MSH5: variants seen among roughly 807,000 people sequenced by gnomAD.
MSH5 encodes mutS protein homolog 5.
MSH5 carries 78 observed loss-of-function variants against 107.7 expected under a neutral mutation model. The ratio of observed to expected loss-of-function variants is 0.72; its 90% CI spans 0.60 to 0.87. The LOEUF (loss-of-function observed/expected upper bound fraction) is 0.87, where lower values mean the gene tolerates loss of function less well. Ranked by LOEUF, MSH5 falls within the 40% of genes least tolerant of loss-of-function variation. The probability of loss-of-function intolerance (pLI) is 0.00; values close to 1 mark genes in which losing one functional copy is unlikely to be tolerated. For synonymous variants in MSH5, 326 were observed against 399.5 expected (o/e 0.82, Z 2.19); for missense variants, 889 against 1,046.6 (o/e 0.85, Z 2.08).
At position 31,762,664 on chromosome 6, in the gene MSH5, T is replaced by C; in HGVS notation, c.*133T>C. On this transcript the variant is annotated 3_prime_UTR_variant, in exon 25 of 25. Coordinates refer to ENST00000375750, the MANE Select transcript of MSH5 (RefSeq NM_172166.4). ...TTTGTTTCATATTAGGAATAAAGTT[T>C]ATTTTGAAGAAAGATATTGTTTCTT... is the stretch of plus-strand genomic sequence containing the variant. 1 of 605,262 alleles carries C rather than the reference T, an allele frequency of 1.7e-6. No homozygotes were observed. The highest frequency in any genetic ancestry group is 2.1e-5 in the South Asian group (1 of 46,726). The allele number at this position is 605,262 out of a possible 1,614,324, so 37.5% of individuals were successfully genotyped here. A position where few individuals can be genotyped will look rare whatever the true frequency, so the allele number is the denominator to read the frequency against.
chr6:31,745,103 CAAAAAA>C (rs9279403), intron 8 of MSH5, 128 bp from the exon 9 acceptor site: 2,004 of 357,592 alleles, frequency 5.6e-3, no homozygotes, highest in East Asian at 8.6e-3. Flanking sequence ...GACTCCATCT[CAAAAAA>C]AAAAAAAAAA....
Position 31,760,727 on chromosome 6 carries a change from T to C in MSH5, c.1850T>C (p.Phe617Ser), listed in dbSNP as rs1810913785. ...ACATTCATGGCCCTGGTAGGCAGCT[T>C]TGTGCCAGCAGAGGAGGCCGAAATT... ...LITFMALVGS[F>S]VPAEEAEIGA... The change falls in exon 20 of 25, where the codon TTT becomes TCT. Residue 617 changes from phenylalanine (F) to serine (S), a missense_variant. Physicochemically the swap from Phe to Ser is radical, Grantham distance 155. Around this residue, in one of 3 missense-constraint regions of MSH5, gnomAD observed 362 missense variants for 456.2 expected, o/e 0.79. Transcript: ENST00000375750. The surrounding 1 kb of genome is among the most constrained non-coding windows in gnomAD (Gnocchi z 5.6). 1 of 1,613,056 alleles carries C rather than the reference T, an allele frequency of 6.2e-7. No individual in the cohort carries two copies. Among genetic ancestry groups the C allele is most frequent in the Non-Finnish European group, 8.5e-7 (1 of 1,180,030 alleles).
At position 31,740,360 on chromosome 6, in the gene MSH5, A is replaced by T; in HGVS notation, c.-13-94A>T. The T allele has an allele frequency of 7.5e-7, 1 of 1,331,082 alleles. No individual in the cohort carries two copies. Among genetic ancestry groups the T allele is most frequent in the Non-Finnish European group, 1.0e-6 (1 of 980,416 alleles). The allele number at this position is 1,331,082 out of a possible 1,614,324, so 82.5% of individuals were successfully genotyped here. The stretch of plus-strand genomic sequence containing the variant: ...GCCCTGCCCCGCAGCCCTGTAGCAG[A>T]AGTACTTAGTGCTTTGCATTCTGCG... On this transcript the variant is annotated intron_variant, in intron 1 of 24. Transcript: ENST00000375750. The surrounding 1 kb of genome is among the most constrained non-coding windows in gnomAD (Gnocchi z 4.4).
At chr6:31,743,762 T>C (rs1809133034) in intron 5 of MSH5, 142 bp from the exon 6 acceptor site, 6 of 1,206,106 alleles carry the variant, frequency 5.0e-6, no homozygotes, top group East Asian at 2.4e-5. Flanking sequence ...GAAAATTTGG[T>C]TCTTGCTCTA....
At chr6:31,750,503 C>T (rs1487135670) in intron 10 of MSH5, among the ~76,000 whole-genome samples, 8 of 152,196 alleles carry the variant, frequency 5.3e-5, no homozygotes, top group African/African-American at 1.9e-4. Context: ...GGGCAAGTTG[C>T]TTATCTTTTA....
At chr6:31,744,661 C>T (rs1395662107) in intron 8 of MSH5, 80 bp downstream of exon 8, 64 of 1,449,210 alleles carry the variant, frequency 4.4e-5, no homozygotes, top group Non-Finnish European at 5.6e-5. Context: ...TAATGAGGCT[C>T]TAGTTTCCCT....
chr6:31,747,865 G>A lies in MSH5; in HGVS notation c.812+433G>A, dbSNP rs9267559. 4.5e-3 allele frequency among the ~76,000 whole-genome samples: 690 copies of A among 152,204 alleles called. 5 individuals are homozygous for A. Among genetic ancestry groups the A allele is most frequent in the Admixed American group, 7.9e-3 (121 of 15,278 alleles). ...ACTAAAATGCAAAAATTAGCCAAGC[G>A]TGTTGGTAGGTGCCTGTAATTCCAG... On this transcript the variant is annotated intron_variant, in intron 10 of 24. Coordinates refer to ENST00000375750, the MANE Select transcript of MSH5 (RefSeq NM_172166.4).
rs1438773459 is a variant in MSH5, at chr6:31,740,771, G to A, written c.147+158G>A. On this transcript the variant is annotated intron_variant, in intron 2 of 24. Transcript: ENST00000375750. This position sits in a 1 kb window ranked among gnomAD's most constrained non-coding sequence, Gnocchi z 4.4. ...AGCTCAGGAGTTGGAGACCAGCCTGGGCAACATGGCGAAACCCCGTCTCTA... is the reference window on the plus strand; with the variant it reads ...AGCTCAGGAGTTGGAGACCAGCCTGAGCAACATGGCGAAACCCCGTCTCTA... Among the ~76,000 whole-genome samples, 2 of 152,148 alleles carry A rather than the reference G, an allele frequency of 1.3e-5. No individual in the cohort carries two copies. The highest frequency in any genetic ancestry group is 2.9e-5 in the Non-Finnish European group (2 of 68,018).
Position 31,744,555 on chromosome 6 carries a change from G to A in MSH5, c.657G>A (p.Leu219=), listed in dbSNP as rs1809235442. ...TGTTTTCTGTCCTCAGGACTCATCT[G>A]GTGAACATAGATCAAGACACTTACA... ...LGFKKFMLTH[L]VNIDQDTYSV... is the part of the protein sequence containing the mutation. Residue 219 remains leucine (L), a synonymous_variant, in exon 8 of 25, where the codon CTG becomes CTA. Coordinates refer to ENST00000375750, the MANE Select transcript of MSH5 (RefSeq NM_172166.4). The A allele has an allele frequency of 6.2e-7, 1 of 1,613,196 alleles. No individual in the cohort carries two copies. Among genetic ancestry groups the A allele is most frequent in the African/African-American group, 1.3e-5 (1 of 74,906 alleles).
rs1354915896 is a variant in MSH5, at chr6:31,740,214, C to A, written c.-14+152C>A. 9.2e-6 allele frequency: 4 copies of A among 435,464 alleles called. No homozygotes were observed. Among genetic ancestry groups the A allele is most frequent in the Non-Finnish European group, 1.2e-5 (3 of 243,426 alleles). 27.0% of individuals were successfully genotyped at this position (435,464 alleles called of 1,614,324 possible). A position where few individuals can be genotyped will look rare whatever the true frequency, so the allele number is the denominator to read the frequency against. On this transcript the variant is annotated intron_variant, in intron 1 of 24. Transcript: ENST00000375750. This position sits in a 1 kb window ranked among gnomAD's most constrained non-coding sequence, Gnocchi z 4.4. ...CACAGGGCCCTCAGACCCCTTCCTT[C>A]CAAAGGGTAACCTCCGCGTGACAGG... is the stretch of plus-strand genomic sequence containing the variant.
chr6:31,753,351 T>G lies in MSH5; in HGVS notation c.863T>G (p.Leu288Arg). ...GACCTGGGGGAGCTCAGTTCTCGTC[T>G]GGACGTCATTCAGTTTTTTCTGCTG... ...THDLGELSSR[L>R]DVIQFFLLPQ... The change falls in exon 11 of 25, where the codon CTG (leucine) becomes CGG (arginine). Residue 288 changes from leucine to arginine, a missense_variant. Leu to Arg is a moderately radical substitution (Grantham distance 102, BLOSUM62 -2). Around this residue, in one of 3 missense-constraint regions of MSH5, gnomAD observed 518 missense variants for 565.0 expected, o/e 0.92. Coordinates refer to ENST00000375750, the MANE Select transcript of MSH5 (RefSeq NM_172166.4). 3 of 1,614,252 alleles carry G rather than the reference T, an allele frequency of 1.9e-6. No individual in the cohort carries two copies. The highest frequency in any genetic ancestry group is 2.5e-6 in the Non-Finnish European group (3 of 1,180,046).
chr6:31,760,778 G>A lies in MSH5; in HGVS notation c.1901G>A (p.Arg634Gln), dbSNP rs766742261. The stretch of plus-strand genomic sequence containing the variant: ...GGGGCAGTAGACGCCATCTTCACAC[G>A]AATTCATAGCTGCGAATCCATCTCC... ...EIGAVDAIFT[R>Q]IHSCESISLG... Residue 634 changes from arginine (R) to glutamine (Q), a missense_variant, in exon 20 of 25, where the codon CGA becomes CAA. Transcript: ENST00000375750. The surrounding 1 kb of genome is among the most constrained non-coding windows in gnomAD (Gnocchi z 5.6). 2.7e-5 allele frequency: 44 copies of A among 1,612,862 alleles called. No homozygotes were observed. The Admixed American group carries it at 4.3e-4, about 16-fold the overall frequency.
intron 3 of MSH5, among the ~76,000 whole-genome samples, chr6:31,741,523 C>G (rs931537863): frequency 6.6e-6 from 1 of 152,052 alleles, no homozygotes; most frequent in Non-Finnish European, 1.5e-5. Flanking sequence ...GGACTACAGG[C>G]GTGTGCCACC....
At position 31,760,286 on chromosome 6, in the gene MSH5, A is replaced by G; in HGVS notation, c.1812+70A>G. On this transcript the variant is annotated intron_variant, in intron 19 of 24. Transcript: ENST00000375750. This position sits in a 1 kb window ranked among gnomAD's most constrained non-coding sequence, Gnocchi z 5.6. ...CTACTCCACCCCTACTTGCCAGCCA[A>G]CTCAGGCTCCTGCAGCTCTTCTCCC... 2.0e-6 allele frequency: 3 copies of G among 1,512,214 alleles called. No individual in the cohort carries two copies. Among genetic ancestry groups the G allele is most frequent in the African/African-American group, 1.4e-5 (1 of 71,652 alleles). The allele number at this position is 1,512,214 out of a possible 1,614,324, so 93.7% of individuals were successfully genotyped here. A position where few individuals can be genotyped will look rare whatever the true frequency, so the allele number is the denominator to read the frequency against.
chr6:31,760,840 G>C lies in MSH5; in HGVS notation c.1962+1G>C, dbSNP rs777668732. On this transcript the variant is annotated splice_donor_variant, in intron 20 of 24. Coordinates refer to ENST00000375750, the MANE Select transcript of MSH5 (RefSeq NM_172166.4). LOFTEE classifies it high-confidence loss of function. This position sits in a 1 kb window ranked among gnomAD's most constrained non-coding sequence, Gnocchi z 5.6. ...CACCTTCATGATCGACCTCAACCAGGTCAAAGGGAACAAAGGGAGGTGGGA... is the reference window on the plus strand; with the variant it reads ...CACCTTCATGATCGACCTCAACCAGCTCAAAGGGAACAAAGGGAGGTGGGA... 1.2e-6 allele frequency: 2 copies of C among 1,612,114 alleles called. No homozygotes were observed. Among genetic ancestry groups the C allele is most frequent in the Non-Finnish European group, 1.7e-6 (2 of 1,179,524 alleles).
chr6:31,746,728 G>A (rs572184129), intron 9 of MSH5, among the ~76,000 whole-genome samples: 1 of 152,282 alleles, frequency 6.6e-6, no homozygotes. Context: ...TGGGATTATA[G>A]GCATGAGCCA....
Position 31,745,163 on chromosome 6 carries a change from C to T in MSH5, c.684-74C>T, listed in dbSNP as rs1372626648. On this transcript the variant is annotated intron_variant, in intron 8 of 24. Coordinates refer to ENST00000375750, the MANE Select transcript of MSH5 (RefSeq NM_172166.4). ...AGGAGGATATCCCCTGTCCCCATTCCATTTATCAGTCCTCAATTCTTATTC... is the reference window on the plus strand; with the variant it reads ...AGGAGGATATCCCCTGTCCCCATTCTATTTATCAGTCCTCAATTCTTATTC... 9 of 839,132 alleles carry T rather than the reference C, an allele frequency of 1.1e-5. No homozygotes were observed. In the East Asian group the frequency reaches 2.0e-4, roughly 19 times the overall value. The allele number at this position is 839,132 out of a possible 1,614,324, so 52.0% of individuals were successfully genotyped here.
chr6:31,762,157 G>C lies in MSH5; in HGVS notation c.2365G>C (p.Asp789His). 6.2e-7 allele frequency: 1 copy of C among 1,614,152 alleles called. No homozygotes were observed. The highest frequency in any genetic ancestry group is 8.5e-7 in the Non-Finnish European group (1 of 1,180,034). Residue 789 changes from aspartate (D) to histidine (H), a missense_variant, in exon 24 of 25, where the codon GAT (aspartate) becomes CAT (histidine). Transcript: ENST00000375750. ...TGGAAAACCCATCAAGCCTGTCAAG[G>C]ATTTGCTAAAGAAGAACCAAATGGA... ...RSGKPIKPVK[D>H]LLKKNQMENC...
Position 31,761,086 on chromosome 6 carries a change from A to T in MSH5, c.1963-102A>T. ...CTCACCATTCAAGAACTTGCAGTGC[A>T]GTAGGGAGGGCATGTATACAGCTTT... On this transcript the variant is annotated intron_variant, in intron 20 of 24. Transcript: ENST00000375750. This position sits in a 1 kb window ranked among gnomAD's most constrained non-coding sequence, Gnocchi z 5.3. The T allele has an allele frequency of 8.5e-7, 1 of 1,175,912 alleles. No individual in the cohort carries two copies. Among genetic ancestry groups the T allele is most frequent in the South Asian group, 1.4e-5 (1 of 72,836 alleles). The allele number at this position is 1,175,912 out of a possible 1,614,324, so 72.8% of individuals were successfully genotyped here. A position where few individuals can be genotyped will look rare whatever the true frequency, so the allele number is the denominator to read the frequency against.
Sources: gnomAD v4.1 joint callset for allele counts (sites outside exome capture counted in the v4.1 genomes callset) on GRCh38, gnomAD v4.1.1 for gene constraint, gnomAD v4.1.1 regional missense constraint, Gnocchi (gnomAD v3.1) non-coding constraint, MANE v1.5 for transcripts, NCBI Gene and HGNC (gene_info 2026-07-23, HGNC 2026-07-21) for gene names.